TNFRSF11B: variants seen among roughly 807,000 people sequenced by gnomAD.
The protein encoded by TNFRSF11B is tumor necrosis factor receptor superfamily member 11B.
A neutral mutation model predicts 43.4 loss-of-function variants in TNFRSF11B; 16 were observed. The ratio of observed to expected loss-of-function variants is 0.37; its 90% CI spans 0.25 to 0.56. The LOEUF (loss-of-function observed/expected upper bound fraction) is 0.56. Among genes scored for constraint, TNFRSF11B ranks in the 20% least tolerant of loss-of-function variants. The pLI is 0.80. For synonymous variants in TNFRSF11B, 185 were observed against 181.8 expected, an observed-to-expected ratio of 1.02 and a Z score of -0.14; for missense variants, 444 against 490.1, an observed-to-expected ratio of 0.91 and a Z score of 0.89.
intron 1 of TNFRSF11B, among the ~76,000 whole-genome samples, chr8:118,942,423 C>A (rs1417480765): frequency 6.6e-6 from 1 of 151,928 alleles, no homozygotes; most frequent in African/African-American, 2.4e-5. Context: ...ACAGCTAGTG[C>A]AAATTAGATA....
intron 3 of TNFRSF11B, among the ~76,000 whole-genome samples, chr8:118,928,216 T>G (rs1005763114): frequency 6.6e-6 from 1 of 152,134 alleles, no homozygotes; most frequent in Non-Finnish European, 1.5e-5. Context: ...GAGACAAGGT[T>G]TCACCATGTT....
chr8:118,949,741 A>G (rs1271553077), intron 1 of TNFRSF11B, among the ~76,000 whole-genome samples: 2 of 152,178 alleles, frequency 1.3e-5, no homozygotes, highest in Non-Finnish European at 2.9e-5. Flanking sequence ...GTCCATGGTG[A>G]AAGGAATAGT....
Position 118,926,862 on chromosome 8 carries a change from A to G in TNFRSF11B, c.593-144T>C. On this transcript the variant is annotated intron_variant, in intron 3 of 4. Transcript: ENST00000297350. ...AAAATGCAAAGTTTGAATAAAATCAAGCTTCTGTTGGCTGGTCTTAGTGGC... is the reference window on the plus strand; with the variant it reads ...AAAATGCAAAGTTTGAATAAAATCAGGCTTCTGTTGGCTGGTCTTAGTGGC... The G allele has an allele frequency of 3.4e-6, 3 of 884,798 alleles. No homozygotes were observed. In the South Asian group the frequency reaches 4.4e-5, roughly 13 times the overall value. The allele number at this position is 884,798 out of a possible 1,614,324, so 54.8% of individuals were successfully genotyped here. A position where few individuals can be genotyped will look rare whatever the true frequency, so the allele number is the denominator to read the frequency against.
chr8:118,943,613 T>C (rs3134059), intron 1 of TNFRSF11B, among the ~76,000 whole-genome samples: 14,351 of 152,220 alleles, frequency 0.094, 841 homozygotes, highest in African/African-American at 0.17. Context: ...ATCTCTGAGA[T>C]AGAGATACTA....
chr8:118,949,261 A>C (rs1812607343), intron 1 of TNFRSF11B, among the ~76,000 whole-genome samples: 1 of 152,094 alleles, frequency 6.6e-6, no homozygotes, highest in South Asian at 2.1e-4. Context: ...CTTTGGTCCA[A>C]GATGCCTGAT....
chr8:118,927,755 C>CA (rs1193551221), intron 3 of TNFRSF11B, among the ~76,000 whole-genome samples: 1 of 151,984 alleles, frequency 6.6e-6, no homozygotes, highest in East Asian at 1.9e-4. Flanking sequence ...TGATTAAACA[C>CA]AAAAAAGCAA....
chr8:118,934,531 T>C (rs1812375679), intron 1 of TNFRSF11B, among the ~76,000 whole-genome samples: 2 of 152,162 alleles, frequency 1.3e-5, no homozygotes, highest in Non-Finnish European at 2.9e-5. Flanking sequence ...GAGGATTTCA[T>C]GGGCAAGGGT....
chr8:118,927,565 T>C (rs1371602338), intron 3 of TNFRSF11B, among the ~76,000 whole-genome samples: 1 of 151,598 alleles, frequency 6.6e-6, no homozygotes, highest in Non-Finnish European at 1.5e-5. Context: ...TTTTTTTTTT[T>C]TTTTAGATAA....
chr8:118,944,789 T>G (rs1307573166), intron 1 of TNFRSF11B, among the ~76,000 whole-genome samples: 1 of 152,094 alleles, frequency 6.6e-6, no homozygotes, highest in Non-Finnish European at 1.5e-5. Context: ...TTCCAAATAA[T>G]GGTGTGCAGT....
At chr8:118,941,302 A>C (rs949144102) in intron 1 of TNFRSF11B, among the ~76,000 whole-genome samples, 1 of 152,156 alleles carries the variant, frequency 6.6e-6, no homozygotes, top group Non-Finnish European at 1.5e-5. Context: ...AATAGTTTTC[A>C]CAATAGCCAG....
intron 1 of TNFRSF11B, among the ~76,000 whole-genome samples, chr8:118,936,974 A>G (rs1812414704): frequency 6.6e-6 from 1 of 152,218 alleles, no homozygotes; most frequent in Non-Finnish European, 1.5e-5. Flanking sequence ...AGAGAATCTG[A>G]AAGTCTTCTA....
intron 2 of TNFRSF11B, 99 bp downstream of exon 2, chr8:118,932,832 T>TTTTGC: frequency 6.6e-7 from 1 of 1,520,262 alleles, no homozygotes; most frequent in Non-Finnish European, 9.0e-7. Flanking sequence ...TGCAATTTGC[T>TTTTGC]ATCCTATAAT....
chr8:118,934,200 TACTC>T (rs1256949565), intron 1 of TNFRSF11B, among the ~76,000 whole-genome samples: 1 of 152,200 alleles, frequency 6.6e-6, no homozygotes, highest in African/African-American at 2.4e-5. Context: ...TCATTCCTAT[TACTC>T]ATTCATGCAA....
chr8:118,942,380 C>G (rs1812498877), intron 1 of TNFRSF11B, among the ~76,000 whole-genome samples: 1 of 151,902 alleles, frequency 6.6e-6, no homozygotes, highest in Non-Finnish European at 1.5e-5. Context: ...TATTAATGAC[C>G]TGTATTGAAG....
chr8:118,938,889 C>T (rs2129908451), intron 1 of TNFRSF11B, among the ~76,000 whole-genome samples: 1 of 152,332 alleles, frequency 6.6e-6, no homozygotes, highest in East Asian at 1.9e-4. Flanking sequence ...GGCCTGCTTT[C>T]TGTATGCAGA....
chr8:118,931,181 G>A (rs996340762), intron 2 of TNFRSF11B, among the ~76,000 whole-genome samples: 3 of 152,078 alleles, frequency 2.0e-5, no homozygotes, highest in South Asian at 4.2e-4. Context: ...ACAACAAAAC[G>A]GTTATTAAAT....
intron 1 of TNFRSF11B, among the ~76,000 whole-genome samples, chr8:118,944,389 G>T (rs895350652): frequency 2.0e-5 from 3 of 152,058 alleles, no homozygotes; most frequent in Non-Finnish European, 4.4e-5. Flanking sequence ...GCTCTAATTT[G>T]TAAGTGACTT....
chr8:118,945,849 C>T (rs1287201508), intron 1 of TNFRSF11B, among the ~76,000 whole-genome samples: 1 of 152,106 alleles, frequency 6.6e-6, no homozygotes, highest in Non-Finnish European at 1.5e-5. Flanking sequence ...AATCTAAATT[C>T]ATCTTGACAC....
In TNFRSF11B at chr8:118,926,716, CA is replaced by C; in HGVS notation, c.594del (p.Asp198GlufsTer27). The C allele has an allele frequency of 6.2e-7, 1 of 1,613,060 alleles. No individual in the cohort carries two copies. The highest frequency in any genetic ancestry group is 8.5e-7 in the Non-Finnish European group (1 of 1,179,412). On this transcript the variant is annotated frameshift_variant and splice_region_variant, in exon 4 of 5. Coordinates refer to ENST00000297350, the MANE Select transcript of TNFRSF11B (RefSeq NM_002546.4). LOFTEE classifies it high-confidence loss of function. ...AAGAATGCCTCCTCACACAGGGTAACATCTAAAGAAAGGTTAGAAAACCCAG... is the reference window on the plus strand; with the variant it reads ...AAGAATGCCTCCTCACACAGGGTAACTCTAAAGAAAGGTTAGAAAACCCAG... ...NSESTQKCGI[D>X]VTLCEEAFFR...
Sources: allele counts gnomAD v4.1 joint callset (sites outside exome capture counted in the v4.1 genomes callset), GRCh38; gene constraint gnomAD v4.1.1; transcripts MANE v1.5; gene names NCBI Gene and HGNC (gene_info 2026-07-23, HGNC 2026-07-21).